DHRSX: variants seen among roughly 807,000 people sequenced by gnomAD.
DHRSX encodes the protein dehydrogenase/reductase X-linked.
Under a neutral mutation model 34.0 loss-of-function variants are expected in DHRSX, and 31 were observed. The ratio of observed to expected loss-of-function variants is 0.91; its 90% CI spans 0.69 to 1.23. The LOEUF (loss-of-function observed/expected upper bound fraction) is 1.23. Among genes scored for constraint, DHRSX ranks in the 50% most tolerant of loss-of-function variants. The pLI is 0.00. For synonymous variants in DHRSX, 201 were observed against 183.8 expected (o/e 1.09, Z -0.76); for missense variants, 414 against 428.1 (o/e 0.97, Z 0.29).
chrX:2,408,121 CTTT>C (rs111351764), intron 3 of DHRSX, among the ~76,000 whole-genome samples: 1 of 146,364 alleles, frequency 6.8e-6, no homozygotes. Context: ...TTCTTTCTTT[CTTT>C]TTTTTTTTTG....
chrX:2,222,422 C>T (rs2015541229), intron 6 of DHRSX, among the ~76,000 whole-genome samples: 1 of 152,202 alleles, frequency 6.6e-6, no homozygotes, highest in Non-Finnish European at 1.5e-5. Flanking sequence ...CAAATATCAC[C>T]TCATTATACA....
At chrX:2,465,305 C>G (rs904272670) in intron 1 of DHRSX, among the ~76,000 whole-genome samples, 6 of 152,112 alleles carry the variant, frequency 3.9e-5, no homozygotes, top group African/African-American at 1.4e-4. Flanking sequence ...GAAAGAATGG[C>G]GTGTTGTAAC....
At chrX:2,428,683 T>C (rs1484637049) in intron 1 of DHRSX, among the ~76,000 whole-genome samples, 1 of 152,148 alleles carries the variant, frequency 6.6e-6, no homozygotes, top group African/African-American at 2.4e-5. Flanking sequence ...GATGGGTTGA[T>C]GGGTGCAGCA....
intron 6 of DHRSX, among the ~76,000 whole-genome samples, chrX:2,238,606 G>A (rs1382993176): frequency 4.0e-5 from 6 of 148,186 alleles, no homozygotes; most frequent in Non-Finnish European, 5.9e-5. Context: ...TTTTTGAGAC[G>A]GAGTTTCACT....
chrX:2,326,430 G>A (rs1240696670), intron 3 of DHRSX, among the ~76,000 whole-genome samples: 1 of 152,146 alleles, frequency 6.6e-6, no homozygotes, highest in Non-Finnish European at 1.5e-5. Flanking sequence ...GGCTGAGGCA[G>A]GAGAATTGCT....
At chrX:2,270,814 C>A (rs182398437) in intron 4 of DHRSX, among the ~76,000 whole-genome samples, 69 of 152,276 alleles carry the variant, frequency 4.5e-4, no homozygotes, top group African/African-American at 1.6e-3. Flanking sequence ...AGGCACCAAT[C>A]AGCACTCTAA....
At chrX:2,396,769 T>TA (rs1369491271) in intron 3 of DHRSX, among the ~76,000 whole-genome samples, 1 of 149,936 alleles carries the variant, frequency 6.7e-6, no homozygotes, top group African/African-American at 2.4e-5. Context: ...GTCTCCCTTT[T>TA]TTTTTTTTTT....
At chrX:2,361,000 G>A (rs1387011557) in intron 3 of DHRSX, among the ~76,000 whole-genome samples, 1 of 152,178 alleles carries the variant, frequency 6.6e-6, no homozygotes, top group Non-Finnish European at 1.5e-5. Flanking sequence ...GATGATAAGA[G>A]CAATCAGTTC....
chrX:2,448,536 A>T (rs1327556571), intron 1 of DHRSX, among the ~76,000 whole-genome samples: 1 of 149,590 alleles, frequency 6.7e-6, no homozygotes, highest in East Asian at 1.9e-4. Context: ...TATGTTAATT[A>T]GCTTGTTAAT....
At chrX:2,345,531 C>A (rs1417394719) in intron 3 of DHRSX, among the ~76,000 whole-genome samples, 1 of 151,172 alleles carries the variant, frequency 6.6e-6, no homozygotes, top group East Asian at 1.9e-4. Flanking sequence ...CCTATAATCA[C>A]AACTACTCGG....
chrX:2,293,889 T>A (rs866314490), intron 3 of DHRSX, among the ~76,000 whole-genome samples: 3 of 152,126 alleles, frequency 2.0e-5, no homozygotes, highest in Non-Finnish European at 2.9e-5. Flanking sequence ...ATCAATTTTA[T>A]GACAGACACA....
At chrX:2,247,818 G>A (rs1357618670) in intron 5 of DHRSX, among the ~76,000 whole-genome samples, 1 of 152,020 alleles carries the variant, frequency 6.6e-6, no homozygotes, top group Non-Finnish European at 1.5e-5. Context: ...AACCTTTCTT[G>A]CTGACCTTCT....
intron 4 of DHRSX, among the ~76,000 whole-genome samples, chrX:2,268,555 A>G (rs1164494210): frequency 6.6e-6 from 1 of 152,200 alleles, no homozygotes; most frequent in Non-Finnish European, 1.5e-5. Context: ...TAGCATGTAC[A>G]TATGTGTTCA....
intron 2 of DHRSX, among the ~76,000 whole-genome samples, chrX:2,424,278 G>A (rs2043815747): frequency 6.6e-6 from 1 of 151,788 alleles, no homozygotes; most frequent in Admixed American, 6.6e-5. Context: ...AATGTCTGTT[G>A]TATATAAGCT....
intron 1 of DHRSX, among the ~76,000 whole-genome samples, chrX:2,430,486 C>T (rs1036744730): frequency 8.5e-5 from 13 of 152,094 alleles, no homozygotes; most frequent in Non-Finnish European, 1.8e-4. Context: ...CAAGATCGGG[C>T]TTCCTCAGGG....
chrX:2,346,386 C>G (rs775228790), intron 3 of DHRSX, among the ~76,000 whole-genome samples: 71 of 152,200 alleles, frequency 4.7e-4, no homozygotes, highest in African/African-American at 1.7e-3. Flanking sequence ...TCTCTGTTTT[C>G]ACAGTCCAGG....
Position 2,275,367 on chromosome X carries a change from A to T in DHRSX, c.389-8420T>A, listed in dbSNP as rs2041613241. On this transcript the variant is annotated intron_variant, in intron 4 of 6. Transcript: ENST00000334651. ...ACAAAAAAAAAAAAAAAATTAGCTG[A>T]GTGTGGTGGCGGGCACCTGTAATTT... 3.1e-5 allele frequency among the ~76,000 whole-genome samples: 4 copies of T among 130,820 alleles called. No individual in the cohort carries two copies. In the South Asian group the frequency reaches 1.0e-3, roughly 33 times the overall value. The allele number at this position is 130,820 out of a possible 152,430, so 85.8% of individuals were successfully genotyped here. A position where few individuals can be genotyped will look rare whatever the true frequency, so the allele number is the denominator to read the frequency against.
chrX:2,442,242 C>A (rs149521333), intron 1 of DHRSX, among the ~76,000 whole-genome samples: 19 of 150,804 alleles, frequency 1.3e-4, no homozygotes, highest in Non-Finnish European at 4.4e-5. Context: ...CTAAAGGTCT[C>A]CATCCTCATC....
At chrX:2,435,315 G>A (rs2043979122) in intron 1 of DHRSX, among the ~76,000 whole-genome samples, 1 of 152,154 alleles carries the variant, frequency 6.6e-6, no homozygotes, top group African/African-American at 2.4e-5. Flanking sequence ...ATGCATTATT[G>A]CCTGAATGTG....
Sources: allele counts gnomAD v4.1 joint callset (sites outside exome capture counted in the v4.1 genomes callset), GRCh38; gene constraint gnomAD v4.1.1; transcripts MANE v1.5; gene names NCBI Gene and HGNC (gene_info 2026-07-23, HGNC 2026-07-21).